Variants in MED24 observed in about 807,000 individuals in gnomAD.
MED24 encodes the protein mediator of RNA polymerase II transcription subunit 24.
In MED24, 74 loss-of-function variants were observed where a neutral mutation model predicts 118.8. The ratio of observed to expected loss-of-function variants is 0.62; its 90% CI spans 0.52 to 0.76. The LOEUF (loss-of-function observed/expected upper bound fraction) is 0.76. MED24 is among the 30% of genes least tolerant of loss of function. The pLI, the probability that MED24 is intolerant of heterozygous loss-of-function variation, is 0.00. For synonymous variants in MED24, 521 were observed against 523.9 expected, an observed-to-expected ratio of 0.99 and a Z score of 0.08; for missense variants, 1,041 against 1,278.9, an observed-to-expected ratio of 0.81 and a Z score of 2.84.
chr17:40,022,588 C>T (rs765263974), intron 21 of MED24, 57 bp downstream of exon 21: 35 of 1,606,132 alleles, frequency 2.2e-5, no homozygotes, highest in Non-Finnish European at 2.8e-5. Context: ...TGGCACCAGG[C>T]GAGGGGTGCT....
chr17:40,042,769 C>G (rs1694525694), intron 3 of MED24, among the ~76,000 whole-genome samples: 1 of 152,040 alleles, frequency 6.6e-6, no homozygotes. Context: ...TAAGATATGA[C>G]AAAGAATGGC....
At chr17:40,039,464 C>T (rs1984304506) in intron 3 of MED24, among the ~76,000 whole-genome samples, 1 of 152,178 alleles carries the variant, frequency 6.6e-6, no homozygotes, top group South Asian at 2.1e-4. Flanking sequence ...TCCTAAGTGC[C>T]CTCTACTCGC....
At position 40,022,028 on chromosome 17, in the gene MED24, G is replaced by A. The variant is rs200456452; in HGVS notation, c.2550C>T (p.Asp850=). The change falls in exon 23 of 26, where the codon GAC becomes GAT. Residue 850 remains aspartate (D), a synonymous_variant. Transcript: ENST00000394128. ...GCATCAACTTCGAAGGCTGCACATC[G>A]TCCAGGGGGAAGAGGCTGATATAAT... The part of the protein sequence containing the change: ...IEDYISLFPL[D]DVQPSKLMRL... 1.3e-5 allele frequency: 21 copies of A among 1,610,932 alleles called. No homozygotes were observed. The highest frequency in any genetic ancestry group is 1.7e-4 in the Middle Eastern group (1 of 6,060).
At chr17:40,039,662 T>C (rs2144942878) in intron 3 of MED24, among the ~76,000 whole-genome samples, 1 of 152,322 alleles carries the variant, frequency 6.6e-6, no homozygotes, top group African/African-American at 2.4e-5. Context: ...GTTTGTTGTT[T>C]GAGACAGGGT....
intron 16 of MED24, 65 bp from the exon 17 acceptor site, chr17:40,027,099 TG>T: frequency 6.4e-7 from 1 of 1,568,822 alleles, no homozygotes; most frequent in Non-Finnish European, 8.7e-7. Flanking sequence ...GCGCTGGACC[TG>T]GGGCTGCACT....
intron 3 of MED24, among the ~76,000 whole-genome samples, chr17:40,048,350 C>A (rs1985471732): frequency 6.6e-6 from 1 of 152,122 alleles, no homozygotes; most frequent in Non-Finnish European, 1.5e-5. Context: ...CCTTTTTGCT[C>A]TTTTTCTCTC....
intron 14 of MED24, 93 bp downstream of exon 14, chr17:40,028,732 AC>A: frequency 4.5e-6 from 7 of 1,541,572 alleles, no homozygotes; most frequent in South Asian, 2.5e-5. Context: ...TCTGGATGAG[AC>A]CCAGACCCAG....
At chr17:40,029,995 G>A (rs1983174948) in intron 12 of MED24, 136 bp from the exon 13 acceptor site, 1 of 687,070 alleles carries the variant, frequency 1.5e-6, no homozygotes, top group African/African-American at 1.8e-5. Flanking sequence ...TTGGGGTGAA[G>A]TTTATGGAAG....
chr17:40,053,220 C>T (rs1405312227), intron 3 of MED24, 78 bp downstream of exon 3: 3 of 1,350,676 alleles, frequency 2.2e-6, no homozygotes, highest in African/African-American at 1.5e-5. Context: ...CAGCCATGAA[C>T]CACCGGGGCC....
intron 3 of MED24, among the ~76,000 whole-genome samples, chr17:40,046,258 G>T (rs1297568828): frequency 1.4e-5 from 2 of 145,250 alleles, no homozygotes; most frequent in African/African-American, 5.1e-5. Flanking sequence ...CTAATTTTTT[G>T]TATTTTCAGT....
intron 12 of MED24, among the ~76,000 whole-genome samples, chr17:40,030,895 A>G (rs944865029): frequency 6.6e-6 from 1 of 151,918 alleles, no homozygotes; most frequent in Non-Finnish European, 1.5e-5. Context: ...CTGGCCTCCA[A>G]GTAATCCACC....
chr17:40,032,595 G>A, intron 9 of MED24, 54 bp downstream of exon 9: 1 of 1,441,566 alleles, frequency 6.9e-7, no homozygotes. Flanking sequence ...GGTGCCACTG[G>A]TCTTGCTAAG....
chr17:40,028,101 GTTTT>G, intron 14 of MED24, 155 bp from the exon 15 acceptor site: 1 of 767,554 alleles, frequency 1.3e-6, no homozygotes, highest in Non-Finnish European at 2.1e-6. Flanking sequence ...GGTTTTTGTG[GTTTT>G]TGTTTTTTGT....
At chr17:40,028,102 T>G (rs982485260) in intron 14 of MED24, 156 bp from the exon 15 acceptor site, 3 of 741,080 alleles carry the variant, frequency 4.0e-6, no homozygotes, top group African/African-American at 1.8e-5. Flanking sequence ...GTTTTTGTGG[T>G]TTTTGTTTTT....
chr17:40,047,522 C>T (rs1267839789), intron 3 of MED24, among the ~76,000 whole-genome samples: 6 of 151,724 alleles, frequency 4.0e-5, no homozygotes, highest in African/African-American at 1.5e-4. Flanking sequence ...ACTGGCCAGG[C>T]GTGGTGGAGG....
intron 12 of MED24, among the ~76,000 whole-genome samples, chr17:40,030,510 G>A (rs1983229442): frequency 6.6e-6 from 1 of 151,942 alleles, no homozygotes; most frequent in Admixed American, 6.6e-5. Context: ...TGGCCAGGCT[G>A]GTCTCAAACT....
At chr17:40,049,734 C>A (rs1166939629) in intron 3 of MED24, among the ~76,000 whole-genome samples, 1 of 149,944 alleles carries the variant, frequency 6.7e-6, no homozygotes, top group Non-Finnish European at 1.5e-5. Flanking sequence ...ACCATGTTGT[C>A]CAGGAGGGTC....
intron 1 of MED24, 29 bp from the exon 2 acceptor site, chr17:40,053,664 A>G: frequency 6.2e-7 from 1 of 1,611,980 alleles, no homozygotes; most frequent in Non-Finnish European, 8.5e-7. Context: ...GGAGCTAAAG[A>G]AAAGGACATG....
chr17:40,026,360 C>T (rs1464174848), intron 18 of MED24, 29 bp from the exon 19 acceptor site: 3 of 1,603,460 alleles, frequency 1.9e-6, no homozygotes, highest in Middle Eastern at 1.7e-4. Flanking sequence ...TGATGGGCTA[C>T]CATCTATCTC....
Sources: gnomAD v4.1 joint callset for allele counts (sites outside exome capture counted in the v4.1 genomes callset) on GRCh38, gnomAD v4.1.1 for gene constraint, MANE v1.5 for transcripts, NCBI Gene and HGNC (gene_info 2026-07-23, HGNC 2026-07-21) for gene names.